The following TDRD6 variants were observed in gnomAD, a reference collection of about 807,000 sequenced individuals.
TDRD6 encodes the protein tudor domain-containing protein 6.
TDRD6 carries 186 observed loss-of-function variants against 157.5 expected under a neutral mutation model. The observed-to-expected ratio is 1.18, with a 90% confidence interval of 1.05 to 1.33. The LOEUF (loss-of-function observed/expected upper bound fraction) is 1.33. Among genes scored for constraint, TDRD6 ranks in the 40% most tolerant of loss-of-function variants. The pLI is 0.00. For synonymous variants in TDRD6, 1,075 were observed against 945.2 expected, an observed-to-expected ratio of 1.14 and a Z score of -2.52; for missense variants, 3,066 against 2,508.0, an observed-to-expected ratio of 1.22 and a Z score of -4.75.
chr6:46,697,970 C>T, intron 2 of TDRD6, 28 bp from the exon 3 acceptor site: 1 of 1,458,248 alleles, frequency 6.9e-7, no homozygotes, highest in Non-Finnish European at 9.4e-7. Context: ...GAATTGGACA[C>T]TTTAAAAAAA....
At chr6:46,685,638 G>GAT (rs577625660), upstream of TDRD6, among the ~76,000 whole-genome samples, 20 of 152,216 alleles carry the variant, frequency 1.3e-4, no homozygotes, top group African/African-American at 4.6e-4. Context: ...ATAGGGGAGG[G>GAT]ATAGCATTAG....
In TDRD6 at chr6:46,688,109, GGCCGC is replaced by G; in HGVS notation, c.-10_-6del. 8.1e-6 allele frequency: 12 copies of G among 1,474,144 alleles called. No homozygotes were observed. The highest frequency in any genetic ancestry group is 2.6e-5 in the East Asian group (1 of 37,746). The allele number at this position is 1,474,144 out of a possible 1,614,324, so 91.3% of individuals were successfully genotyped here. A position where few individuals can be genotyped will look rare whatever the true frequency, so the allele number is the denominator to read the frequency against. On this transcript the variant is annotated 5_prime_UTR_variant, in exon 1 of 4. Transcript: ENST00000316081. ...GCGGCCCTTAATTTCCGGAAGTGGG[GGCCGC>G]GCCGCGCCGTCAAGATGTGCTCGAC...
At position 46,692,390 on chromosome 6, in the gene TDRD6, A is replaced by G. The variant is rs62401210; in HGVS notation, c.4262A>G (p.Gln1421Arg). 6.5e-4 allele frequency: 1,051 copies of G among 1,614,064 alleles called. No homozygotes were observed. Among genetic ancestry groups the G allele is most frequent in the Non-Finnish European group, 8.1e-4 (960 of 1,180,028 alleles). Reference protein sequence around the residue: ...LPGLCIHCSLQGFEVPDNKNS... With the variant: ...LPGLCIHCSLRGFEVPDNKNS... ...GGGTTGTGCATTCATTGCTCCTTGC[A>G]GGGATTTGAGGTTCCTGACAATAAA... The change falls in exon 1 of 4, where the codon CAG (glutamine) becomes CGG (arginine). Residue 1421 changes from glutamine (Q) to arginine (R), a missense_variant. By Grantham distance (43) the Gln-to-Arg change is conservative. Transcript: ENST00000316081.
intron 3 of TDRD6, among the ~76,000 whole-genome samples, chr6:46,701,458 T>C (rs1582554646): frequency 6.6e-6 from 1 of 152,182 alleles, no homozygotes; most frequent in Non-Finnish European, 1.5e-5. Context: ...CACATTCTTG[T>C]TCATAAATAA....
chr6:46,685,463 T>TA (rs1330815715), upstream of TDRD6, among the ~76,000 whole-genome samples: 1 of 152,150 alleles, frequency 6.6e-6, no homozygotes, highest in African/African-American at 2.4e-5. Context: ...ATCGTTTCCA[T>TA]AAAAAATATT....
chr6:46,688,903 G>A lies in TDRD6; in HGVS notation c.775G>A (p.Val259Met). ...GVTEAVVITQ[V>M]CHPHRIHCQL... Reference sequence around the variant, plus strand: ...GACGGAGGCCGTGGTCATAACCCAAGTGTGCCATCCCCACCGCATTCACTG... The same window carrying A: ...GACGGAGGCCGTGGTCATAACCCAAATGTGCCATCCCCACCGCATTCACTG... The change falls in exon 1 of 4, where the codon GTG (valine) becomes ATG (methionine). Residue 259 changes from valine (V) to methionine (M), a missense_variant. Transcript: ENST00000316081. The A allele has an allele frequency of 1.2e-6, 2 of 1,607,598 alleles. No homozygotes were observed. Among genetic ancestry groups the A allele is most frequent in the Admixed American group, 1.7e-5 (1 of 59,710 alleles).
Position 46,690,620 on chromosome 6 carries a change from G to A in TDRD6, c.2492G>A (p.Arg831Lys). 2 of 1,614,212 alleles carry A rather than the reference G, an allele frequency of 1.2e-6. No individual in the cohort carries two copies. The highest frequency in any genetic ancestry group is 2.7e-5 in the African/African-American group (2 of 75,058). ...TGTTTGGCTAAGCGAACAGTAAACA[G>A]ACAGTGGTCCAGAGCACTTATTAGT... is the stretch of plus-strand genomic sequence containing the variant. ...LACLAKRTVN[R>K]QWSRALISGI... The change falls in exon 1 of 4, where the codon AGA becomes AAA. Residue 831 changes from arginine to lysine, a missense_variant. Transcript: ENST00000316081.
In TDRD6 at chr6:46,688,165, T is replaced by A; in HGVS notation, c.37T>A (p.Ser13Thr). 1 of 1,546,650 alleles carries A rather than the reference T, an allele frequency of 6.5e-7. No individual in the cohort carries two copies. Among genetic ancestry groups the A allele is most frequent in the Non-Finnish European group, 8.7e-7 (1 of 1,152,746 alleles). ...STPGMPAPGA[S>T]LALRVSFVDV... ...GCCCGGAATGCCGGCGCCGGGGGCC[T>A]CGCTGGCCCTGCGGGTGTCCTTCGT... Residue 13 changes from serine to threonine, a missense_variant, in exon 1 of 4, where the codon TCG becomes ACG. Physicochemically the swap from Ser to Thr is moderately conservative, Grantham distance 58. Transcript: ENST00000316081.
In TDRD6 at chr6:46,697,979, A is replaced by C. The variant is rs760842063; in HGVS notation, c.6172-19A>C. The C allele has an allele frequency of 7.2e-6, 11 of 1,535,480 alleles. No homozygotes were observed. In the South Asian group the frequency reaches 1.0e-4, roughly 14 times the overall value. On this transcript the variant is annotated intron_variant, in intron 2 of 3. Transcript: ENST00000316081. ...TTTTTTGAATTGGACACTTTAAAAA[A>C]ATTTGTTTTCTCCTGTAGGTTTTGA...
In TDRD6 at chr6:46,699,857, T is replaced by A. The variant is rs1197147914; in HGVS notation, c.6261+1770T>A. 2.0e-5 allele frequency among the ~76,000 whole-genome samples: 3 copies of A among 152,312 alleles called. No homozygotes were observed. In the South Asian group the frequency reaches 6.2e-4, roughly 32 times the overall value. On this transcript the variant is annotated intron_variant, in intron 3 of 3. Transcript: ENST00000316081. ...TATAGTCAGCTTATTCCATCTTGGC[T>A]GCACCCAGAAGGCCATAAACAATAT...
Position 46,688,359 on chromosome 6 carries a change from C to G in TDRD6, c.231C>G (p.Val77=), listed in dbSNP as rs762579531. The change falls in exon 1 of 4, where the codon GTC becomes GTG. Residue 77 remains valine (V), a synonymous_variant. Coordinates refer to ENST00000316081, the MANE Select transcript of TDRD6 (RefSeq NM_001010870.3). The stretch of plus-strand genomic sequence containing the variant: ...CCGGCGAGCTGTGCCTGGTGCAGGT[C>G]GGGCTTTTGTGGCACCGCTGCCGCG... ...ASPGELCLVQ[V]GLLWHRCRVV... is the part of the protein sequence containing the mutation. 3 of 1,533,202 alleles carry G rather than the reference C, an allele frequency of 2.0e-6. No homozygotes were observed. The highest frequency in any genetic ancestry group is 2.0e-5 in the Admixed American group (1 of 50,790). The allele number at this position is 1,533,202 out of a possible 1,614,324, so 95.0% of individuals were successfully genotyped here.
chr6:46,688,386 G>C lies in TDRD6; in HGVS notation c.258G>C (p.Val86=), dbSNP rs891813910. Residue 86 remains valine (V), a synonymous_variant, in exon 1 of 4, where the codon GTG becomes GTC. Coordinates refer to ENST00000316081, the MANE Select transcript of TDRD6 (RefSeq NM_001010870.3). ...GGCTTTTGTGGCACCGCTGCCGCGT[G>C]GTCAGCCGGCAGGCACAGGAGAGCC... The part of the protein sequence containing the change: ...QVGLLWHRCR[V]VSRQAQESRV... 3.0e-5 allele frequency: 46 copies of C among 1,536,092 alleles called. No homozygotes were observed. In the African/African-American group the frequency reaches 5.5e-4, roughly 18 times the overall value.
chr6:46,689,234 T>G lies in TDRD6; in HGVS notation c.1106T>G (p.Met369Arg). ...TACTTGCTGCCTGAATATTTTCGAA[T>G]GCCGGTGGTGACCTACCCTTGTGCT... is the stretch of plus-strand genomic sequence containing the variant. Reference protein sequence around the residue: ...LRYLLPEYFRMPVVTYPCALY... With the variant: ...LRYLLPEYFRRPVVTYPCALY... The change falls in exon 1 of 4, where the codon ATG becomes AGG. Residue 369 changes from methionine (M) to arginine (R), a missense_variant. Transcript: ENST00000316081. 1 of 1,614,132 alleles carries G rather than the reference T, an allele frequency of 6.2e-7. No individual in the cohort carries two copies. Among genetic ancestry groups the G allele is most frequent in the Admixed American group, 1.7e-5 (1 of 60,014 alleles).
Position 46,688,434 on chromosome 6 carries a change from C to A in TDRD6, c.306C>A (p.Gly102=). The change falls in exon 1 of 4, where the codon GGC becomes GGA. Residue 102 remains glycine, a synonymous_variant. Coordinates refer to ENST00000316081, the MANE Select transcript of TDRD6 (RefSeq NM_001010870.3). ...QESRVFLLDE[G]RTITAGAGSL... ...GCCGTGTCTTCCTGCTGGACGAGGG[C>A]CGCACCATCACGGCCGGAGCAGGCT... 6.5e-7 allele frequency: 1 copy of A among 1,541,978 alleles called. No homozygotes were observed.
At chr6:46,697,845 GC>G (rs930496270) in intron 2 of TDRD6, among the ~76,000 whole-genome samples, 152 bp from the exon 3 acceptor site, 14 of 149,502 alleles carry the variant, frequency 9.4e-5, no homozygotes, top group African/African-American at 2.9e-4. Context: ...CTCTGATCCT[GC>G]CACTGCCCTC....
chr6:46,702,041 G>T lies in TDRD6; in HGVS notation c.*154G>T. ...TTCTATATAGGTGGAAAACAAATTA[G>T]GTCTCAGGTTGATGGTGGGGTGTGT... On this transcript the variant is annotated 3_prime_UTR_variant, in exon 4 of 4. Transcript: ENST00000316081. The T allele has an allele frequency of 4.1e-6, 3 of 733,020 alleles. No individual in the cohort carries two copies. The highest frequency in any genetic ancestry group is 2.3e-6 in the Non-Finnish European group (1 of 441,592). The allele number at this position is 733,020 out of a possible 1,614,324, so 45.4% of individuals were successfully genotyped here.
In TDRD6 at chr6:46,703,728, TTAAA is replaced by T. The variant is rs552996402; in HGVS notation, c.*1846_*1849del. 2.2e-3 allele frequency: 333 copies of T among 152,224 alleles called. 1 individual carries two copies. Among genetic ancestry groups the T allele is most frequent in the African/African-American group, 7.5e-3 (311 of 41,560 alleles). The allele number at this position is 152,224 out of a possible 1,614,324, so 9.4% of individuals were successfully genotyped here. A position where few individuals can be genotyped will look rare whatever the true frequency, so the allele number is the denominator to read the frequency against. On this transcript the variant is annotated 3_prime_UTR_variant, in exon 4 of 4. Coordinates refer to ENST00000316081, the MANE Select transcript of TDRD6 (RefSeq NM_001010870.3). ...ACTACTACATATAGAATTGAAAACA[TTAAA>T]TAAAATTAACTGGAATATGAAGAAG...
In TDRD6 at chr6:46,690,789, A is replaced by G. The variant is rs1303059737; in HGVS notation, c.2661A>G (p.Leu887=). ...CTTTTAGGTGCAGTCTTTATAATTT[A>G]ATTCAACCAGTTGGCCAGAATCCCT... ...AQAFRCSLYN[L]IQPVGQNPFV... The change falls in exon 1 of 4, where the codon TTA becomes TTG. Residue 887 remains leucine (L), a synonymous_variant. Transcript: ENST00000316081. The G allele has an allele frequency of 6.2e-7, 1 of 1,614,142 alleles. No individual in the cohort carries two copies. The highest frequency in any genetic ancestry group is 1.3e-5 in the African/African-American group (1 of 75,062).
In TDRD6 at chr6:46,692,374, A is replaced by T; in HGVS notation, c.4246A>T (p.Ile1416Phe). 2 of 1,614,216 alleles carry T rather than the reference A, an allele frequency of 1.2e-6. No homozygotes were observed. The highest frequency in any genetic ancestry group is 1.1e-5 in the South Asian group (1 of 91,084). The change falls in exon 1 of 4, where the codon ATT becomes TTT. Residue 1416 changes from isoleucine to phenylalanine, a missense_variant. By Grantham distance (21) the Ile-to-Phe change is conservative (BLOSUM62 0). Transcript: ENST00000316081. Reference sequence around the variant, plus strand: ...TAATGCAATATTGCCGGGGTTGTGCATTCATTGCTCCTTGCAGGGATTTGA... The same window carrying T: ...TAATGCAATATTGCCGGGGTTGTGCTTTCATTGCTCCTTGCAGGGATTTGA... ...LVNAILPGLC[I>F]HCSLQGFEVP...
Sources: gnomAD v4.1 joint callset for allele counts (sites outside exome capture counted in the v4.1 genomes callset) on GRCh38, gnomAD v4.1.1 for gene constraint, MANE v1.5 for transcripts, NCBI Gene and HGNC (gene_info 2026-07-23, HGNC 2026-07-21) for gene names.